Variants in MGMT observed in about 807,000 individuals in gnomAD.
MGMT encodes the protein methylated-DNA--protein-cysteine methyltransferase.
In MGMT, 14 loss-of-function variants were observed where a neutral mutation model predicts 15.9. That is an observed-to-expected ratio of 0.88 (90% CI 0.58 to 1.37). MGMT has a LOEUF of 1.37. MGMT is among the 40% of genes most tolerant of loss of function. MGMT has a pLI of 0.00. For missense variants in MGMT, 282 were observed against 268.1 expected, an observed-to-expected ratio of 1.05 and a Z score of -0.36; for synonymous variants, 130 against 118.2, an observed-to-expected ratio of 1.10 and a Z score of -0.65.
intron 2 of MGMT, among the ~76,000 whole-genome samples, chr10:129,643,107 A>G (rs1234962219): frequency 6.6e-6 from 1 of 152,044 alleles, no homozygotes; most frequent in Non-Finnish European, 1.5e-5. Flanking sequence ...ACTGTTAGAA[A>G]ACCAAATGCC....
chr10:129,733,431 T>C (rs1189997738), intron 3 of MGMT, among the ~76,000 whole-genome samples: 1 of 151,336 alleles, frequency 6.6e-6, no homozygotes, highest in African/African-American at 2.4e-5. Flanking sequence ...GTAAATTTGT[T>C]TGAGTTCATT....
intron 2 of MGMT, among the ~76,000 whole-genome samples, chr10:129,690,562 C>T (rs1465122532): frequency 6.6e-6 from 1 of 152,198 alleles, no homozygotes; most frequent in Non-Finnish European, 1.5e-5. Flanking sequence ...AAGGGTGGCA[C>T]ATGGAGGGGA....
chr10:129,533,881 A>C lies in MGMT; in HGVS notation c.-12-2360A>C, dbSNP rs1176686342. 6.6e-6 allele frequency among the ~76,000 whole-genome samples: 1 copy of C among 152,064 alleles called. No homozygotes were observed. Among genetic ancestry groups the C allele is most frequent in the Non-Finnish European group, 1.5e-5 (1 of 68,028 alleles). On this transcript the variant is annotated intron_variant, in intron 1 of 4. Transcript: ENST00000651593. This position sits in a 1 kb window ranked among gnomAD's most constrained non-coding sequence, Gnocchi z 4.5. ...GGAGATGGGAGAAGGGGAGGCAGTC[A>C]CTTTGGAAGAATGGGCGGGATGGTG...
At chr10:129,738,849 A>T (rs914638114) in intron 3 of MGMT, among the ~76,000 whole-genome samples, 2 of 152,158 alleles carry the variant, frequency 1.3e-5, no homozygotes, top group Non-Finnish European at 2.9e-5. Context: ...GAGACACAAC[A>T]AAAAAAGAGA....
intron 1 of MGMT, among the ~76,000 whole-genome samples, chr10:129,495,634 A>T (rs7095425): frequency 0.049 from 7,450 of 152,318 alleles, 634 homozygotes; most frequent in African/African-American, 0.17. Context: ...CGTTTTGTAC[A>T]ATCATAACCT....
chr10:129,482,847 G>C (rs1845372607), intron 1 of MGMT, among the ~76,000 whole-genome samples: 1 of 152,080 alleles, frequency 6.6e-6, no homozygotes, highest in African/African-American at 2.4e-5. Context: ...AATCTAATCT[G>C]ACAATGTCTT....
intron 2 of MGMT, among the ~76,000 whole-genome samples, chr10:129,666,891 C>T (rs897273753): frequency 6.6e-6 from 1 of 152,142 alleles, no homozygotes; most frequent in African/African-American, 2.4e-5. Flanking sequence ...GCTGGAAGTT[C>T]TTGGCTTGGT....
At chr10:129,481,167 C>A (rs1413485408) in intron 1 of MGMT, among the ~76,000 whole-genome samples, 2 of 152,236 alleles carry the variant, frequency 1.3e-5, no homozygotes, top group Admixed American at 6.5e-5. Flanking sequence ...TGTTGTCTTT[C>A]ACCGTGCGGT....
At chr10:129,740,341 G>A (rs1305985492) in intron 3 of MGMT, among the ~76,000 whole-genome samples, 4 of 152,248 alleles carry the variant, frequency 2.6e-5, no homozygotes, top group Middle Eastern at 3.4e-3. Context: ...AGGCCATCTG[G>A]GGGTAGCACT....
intron 1 of MGMT, among the ~76,000 whole-genome samples, chr10:129,519,403 G>T (rs771610950): frequency 8.5e-5 from 13 of 152,222 alleles, no homozygotes; most frequent in Non-Finnish European, 1.8e-4. Context: ...TGGGTATAAT[G>T]TAACTAATTT....
intron 2 of MGMT, among the ~76,000 whole-genome samples, chr10:129,608,525 T>G (rs1374546524): frequency 6.6e-6 from 1 of 152,280 alleles, no homozygotes; most frequent in Non-Finnish European, 1.5e-5. Context: ...TGTATTCTGT[T>G]GGAAAACTGG....
intron 2 of MGMT, among the ~76,000 whole-genome samples, chr10:129,589,727 A>G (rs1846659975): frequency 6.6e-6 from 1 of 152,064 alleles, no homozygotes; most frequent in Non-Finnish European, 1.5e-5. Context: ...GGACAGGCAG[A>G]CTCCCAGAGC....
chr10:129,528,585 G>A lies in MGMT; in HGVS notation c.-12-7656G>A, dbSNP rs542836140. Among the ~76,000 whole-genome samples, 12 of 151,936 alleles carry A rather than the reference G, an allele frequency of 7.9e-5. No individual in the cohort carries two copies. In the East Asian group the frequency reaches 1.2e-3, roughly 15 times the overall value. On this transcript the variant is annotated intron_variant, in intron 1 of 4. Coordinates refer to ENST00000651593, the MANE Select transcript of MGMT (RefSeq NM_002412.5). ...AGGCCAGAGAAGGAAGTGTGGCCCT[G>A]CCGAATTTGGGACCATTTGGGCTAG...
chr10:129,500,751 A>G (rs890386111), intron 1 of MGMT, among the ~76,000 whole-genome samples: 25 of 152,018 alleles, frequency 1.6e-4, no homozygotes, highest in Non-Finnish European at 3.1e-4. Flanking sequence ...GTGCTTCACC[A>G]TGTTGCCCAG....
chr10:129,541,537 T>G (rs1299929721), intron 2 of MGMT, among the ~76,000 whole-genome samples: 1 of 152,198 alleles, frequency 6.6e-6, no homozygotes, highest in Non-Finnish European at 1.5e-5. Flanking sequence ...CCGTATTTGA[T>G]TACTTGAAAA....
At chr10:129,751,075 T>A (rs1420180412) in intron 3 of MGMT, among the ~76,000 whole-genome samples, 1 of 152,098 alleles carries the variant, frequency 6.6e-6, no homozygotes, top group African/African-American at 2.4e-5. Flanking sequence ...TAAAACACTT[T>A]AGAAAATGTT....
intron 3 of MGMT, among the ~76,000 whole-genome samples, chr10:129,751,447 A>G (rs911834999): frequency 6.6e-6 from 1 of 151,818 alleles, no homozygotes; most frequent in African/African-American, 2.4e-5. Flanking sequence ...AATTTTATTG[A>G]TCATTTCATG....
At chr10:129,605,606 T>C (rs941083269) in intron 2 of MGMT, among the ~76,000 whole-genome samples, 11 of 152,186 alleles carry the variant, frequency 7.2e-5, no homozygotes, top group African/African-American at 2.4e-4. Context: ...ATGCAATACA[T>C]GTGAAGCCCA....
rs2119754274 is a variant in MGMT, at chr10:129,533,729, G to A, written c.-12-2512G>A. Among the ~76,000 whole-genome samples the A allele has an allele frequency of 6.6e-6, 1 of 152,224 alleles. No homozygotes were observed. The highest frequency in any genetic ancestry group is 1.9e-4 in the East Asian group (1 of 5,162). The stretch of plus-strand genomic sequence containing the variant: ...TGAGCCCCTTGTGTGTGTGATGTGT[G>A]CTGTTCTTCAGGGAGCCCTGAGCAG... On this transcript the variant is annotated intron_variant, in intron 1 of 4. Transcript: ENST00000651593. This position sits in a 1 kb window ranked among gnomAD's most constrained non-coding sequence, Gnocchi z 4.5.
Sources: allele counts gnomAD v4.1 joint callset (sites outside exome capture counted in the v4.1 genomes callset), GRCh38; gene constraint gnomAD v4.1.1; non-coding constraint Gnocchi (gnomAD v3.1); transcripts MANE v1.5; gene names NCBI Gene and HGNC (gene_info 2026-07-23, HGNC 2026-07-21).